The following RBMS3 variants were observed in gnomAD, a reference collection of about 807,000 sequenced individuals.
RBMS3 encodes the protein RNA-binding motif, single-stranded-interacting protein 3.
RBMS3 carries 27 observed loss-of-function variants against 66.8 expected under a neutral mutation model. The ratio of observed to expected loss-of-function variants is 0.40; its 90% CI spans 0.30 to 0.56. The LOEUF (loss-of-function observed/expected upper bound fraction) is 0.56, where lower values mean the gene tolerates loss of function less well. RBMS3 is among the 20% of genes least tolerant of loss of function. The pLI is 0.40. For synonymous variants in RBMS3, 188 were observed against 183.0 expected (o/e 1.03, Z -0.22); for missense variants, 513 against 549.5 (o/e 0.93, Z 0.66).
intron 2 of RBMS3, among the ~76,000 whole-genome samples, chr3:29,472,008 A>G (rs2042745592): frequency 6.6e-6 from 1 of 152,104 alleles, no homozygotes; most frequent in Non-Finnish European, 1.5e-5. Flanking sequence ...AAACATTGTT[A>G]GCTTCTGCCA....
chr3:29,521,339 G>A (rs982529708), intron 3 of RBMS3, among the ~76,000 whole-genome samples: 1 of 151,992 alleles, frequency 6.6e-6, no homozygotes, highest in African/African-American at 2.4e-5. Flanking sequence ...TTAATATTTT[G>A]TTGACATCTC....
chr3:29,785,520 C>T (rs996311238), intron 6 of RBMS3, among the ~76,000 whole-genome samples: 5 of 152,060 alleles, frequency 3.3e-5, no homozygotes, highest in East Asian at 1.9e-4. Context: ...CATCACATTA[C>T]GTGACTTCAT....
At chr3:29,589,997 C>T (rs1264097582) in intron 4 of RBMS3, among the ~76,000 whole-genome samples, 2 of 151,944 alleles carry the variant, frequency 1.3e-5, no homozygotes, top group Non-Finnish European at 2.9e-5. Flanking sequence ...AGCAAGTTAC[C>T]CAGGAAGTGG....
intron 1 of RBMS3, among the ~76,000 whole-genome samples, chr3:29,358,112 T>G (rs190302666): frequency 1.3e-5 from 2 of 152,328 alleles, no homozygotes. Flanking sequence ...AGACGTGAAG[T>G]CCTTGCCCCT....
intron 6 of RBMS3, among the ~76,000 whole-genome samples, chr3:29,865,671 G>T (rs923951072): frequency 4.6e-5 from 7 of 152,098 alleles, no homozygotes; most frequent in African/African-American, 1.7e-4. Flanking sequence ...CCTCACCTAT[G>T]AATTAGACAT....
At position 29,961,220 on chromosome 3, in the gene RBMS3, T is replaced by C. The variant is rs181289048; in HGVS notation, c.1098+16966T>C. Reference sequence around the variant, plus strand: ...GGCAAAATGCCTCCAGTCTCTTTGCTAAAGCATGGCAAGAGTCACCTTTGT... The same window carrying C: ...GGCAAAATGCCTCCAGTCTCTTTGCCAAAGCATGGCAAGAGTCACCTTTGT... On this transcript the variant is annotated intron_variant, in intron 12 of 14. Coordinates refer to ENST00000383767, the MANE Select transcript of RBMS3 (RefSeq NM_001003793.3). 1.8e-4 allele frequency among the ~76,000 whole-genome samples: 28 copies of C among 152,320 alleles called. 1 individual carries two copies. The East Asian group carries it at 5.4e-3, about 29-fold the overall frequency.
intron 1 of RBMS3, among the ~76,000 whole-genome samples, chr3:29,307,424 C>A (rs1218653428): frequency 6.6e-6 from 1 of 151,914 alleles, no homozygotes; most frequent in Non-Finnish European, 1.5e-5. Flanking sequence ...AAAGTAGCCC[C>A]TAATCTCTCA....
At chr3:29,624,941 C>T (rs34517471) in intron 4 of RBMS3, among the ~76,000 whole-genome samples, 3,447 of 152,100 alleles carry the variant, frequency 0.023, 60 homozygotes, top group Non-Finnish European at 0.037. Context: ...AATAGTAATC[C>T]CTATGTGTTG....
intron 4 of RBMS3, among the ~76,000 whole-genome samples, chr3:29,707,149 C>T (rs1263255995): frequency 1.3e-5 from 2 of 152,156 alleles, no homozygotes; most frequent in Non-Finnish European, 2.9e-5. Flanking sequence ...GACTTTTTCA[C>T]ATCTGGAAAA....
At chr3:29,503,953 CGA>C (rs1468265944) in intron 3 of RBMS3, among the ~76,000 whole-genome samples, 1 of 152,042 alleles carries the variant, frequency 6.6e-6, no homozygotes, top group African/African-American at 2.4e-5. Context: ...GGATTTAACT[CGA>C]GTTAAAGCAT....
intron 4 of RBMS3, among the ~76,000 whole-genome samples, chr3:29,675,132 A>G (rs1335110297): frequency 2.0e-5 from 3 of 152,142 alleles, no homozygotes; most frequent in South Asian, 4.1e-4. Flanking sequence ...CACATCTACA[A>G]CCATCTGATC....
chr3:29,989,202 T>TGCTG (rs376131841), intron 13 of RBMS3, among the ~76,000 whole-genome samples: 247 of 152,288 alleles, frequency 1.6e-3, no homozygotes, highest in African/African-American at 5.2e-3. Flanking sequence ...ATGGAAGCTT[T>TGCTG]GCTGCTTTCA....
At chr3:29,331,381 A>T (rs535508181) in intron 1 of RBMS3, among the ~76,000 whole-genome samples, 3 of 152,236 alleles carry the variant, frequency 2.0e-5, no homozygotes, top group Admixed American at 2.0e-4. Context: ...ACGAACTCCA[A>T]TATGTAACTT....
chr3:29,670,150 G>A (rs763108754), intron 4 of RBMS3, among the ~76,000 whole-genome samples: 4 of 152,016 alleles, frequency 2.6e-5, no homozygotes, highest in Non-Finnish European at 5.9e-5. Flanking sequence ...TACATAAAAG[G>A]CTAAACGGAC....
chr3:29,853,868 C>A (rs1331975544), intron 6 of RBMS3, among the ~76,000 whole-genome samples: 1 of 152,128 alleles, frequency 6.6e-6, no homozygotes, highest in Non-Finnish European at 1.5e-5. Context: ...CCTGCCCCTA[C>A]TTGCTAGTTC....
At chr3:29,929,239 A>G (rs1357621503) in intron 10 of RBMS3, among the ~76,000 whole-genome samples, 1 of 152,184 alleles carries the variant, frequency 6.6e-6, no homozygotes. Context: ...ATAATGCAAT[A>G]TATTTAAAAG....
intron 10 of RBMS3, among the ~76,000 whole-genome samples, chr3:29,914,877 T>C (rs528593858): frequency 8.6e-5 from 13 of 151,778 alleles, no homozygotes; most frequent in African/African-American, 3.1e-4. Context: ...TTCAGGAAAC[T>C]TTTTTTTATT....
chr3:29,790,692 T>C (rs1425976375), intron 6 of RBMS3, among the ~76,000 whole-genome samples: 1 of 152,160 alleles, frequency 6.6e-6, no homozygotes. Context: ...TTCAGGAAAG[T>C]GTGTTAATTT....
At chr3:29,438,028 T>TTTTCTCTCTC (rs146912044) in intron 2 of RBMS3, among the ~76,000 whole-genome samples, 28 of 142,462 alleles carry the variant, frequency 2.0e-4, no homozygotes, top group Non-Finnish European at 3.7e-4. Flanking sequence ...CCTTGCTTGT[T>TTTTCTCTCTC]TCTCTCTCTC....
Sources: allele counts gnomAD v4.1 joint callset (sites outside exome capture counted in the v4.1 genomes callset), GRCh38; gene constraint gnomAD v4.1.1; transcripts MANE v1.5; gene names NCBI Gene and HGNC (gene_info 2026-07-23, HGNC 2026-07-21).